MAP3K1: variants seen among roughly 807,000 people sequenced by gnomAD.
MAP3K1 encodes MAP/ERK kinase kinase 1.
In MAP3K1, 36 loss-of-function variants were observed where a neutral mutation model predicts 144.2. The observed-to-expected ratio is 0.25, with a 90% CI of 0.19 to 0.33. The LOEUF (loss-of-function observed/expected upper bound fraction) is 0.33, where lower values mean the gene tolerates loss of function less well. Among genes scored for constraint, MAP3K1 ranks in the 10% least tolerant of loss-of-function variants. The pLI is 1.00. For synonymous variants in MAP3K1, 718 were observed against 688.7 expected, an observed-to-expected ratio of 1.04 and a Z score of -0.67; for missense variants, 1,650 against 1,881.9, an observed-to-expected ratio of 0.88 and a Z score of 2.28.
At chr5:56,855,316 A>C (rs374694226) in intron 1 of MAP3K1, among the ~76,000 whole-genome samples, 1 of 152,164 alleles carries the variant, frequency 6.6e-6, no homozygotes, top group Non-Finnish European at 1.5e-5. Flanking sequence ...ACTTTTTGAA[A>C]GTCTCATATT....
chr5:56,873,477 TTCA>T (rs1454572971), intron 9 of MAP3K1, among the ~76,000 whole-genome samples: 4 of 152,110 alleles, frequency 2.6e-5, no homozygotes, highest in African/African-American at 7.2e-5. Flanking sequence ...TTACCTTGAG[TTCA>T]TCATTTTTAT....
chr5:56,824,272 G>A (rs896726894), intron 1 of MAP3K1, among the ~76,000 whole-genome samples: 2 of 152,226 alleles, frequency 1.3e-5, no homozygotes, highest in African/African-American at 4.8e-5. Flanking sequence ...ACTCTAAGCA[G>A]CCAAAGGACC....
intron 19 of MAP3K1, among the ~76,000 whole-genome samples, chr5:56,890,569 A>G (rs912845103): frequency 1.3e-5 from 2 of 152,148 alleles, no homozygotes; most frequent in South Asian, 2.1e-4. Flanking sequence ...AGCTATGCCC[A>G]TTGTTAGGAA....
In MAP3K1 at chr5:56,879,047, G is replaced by C. The variant is rs2111932466; in HGVS notation, c.2033G>C (p.Arg678Thr). Reference sequence around the variant, plus strand: ...TTAGCGGAAAGAATCAAACTTCAGAGACTTCTCCAGCCAGTTGTAGACACC... The same window carrying C: ...TTAGCGGAAAGAATCAAACTTCAGACACTTCTCCAGCCAGTTGTAGACACC... ...HSLAERIKLQRLLQPVVDTIL... is the reference protein window; with the variant it reads ...HSLAERIKLQTLLQPVVDTIL... Residue 678 changes from arginine to threonine, a missense_variant, in exon 11 of 20, where the codon AGA (arginine) becomes ACA (threonine). By Grantham distance (71) the Arg-to-Thr change is moderately conservative. Coordinates refer to ENST00000399503, the MANE Select transcript of MAP3K1 (RefSeq NM_005921.2). 1 of 1,613,924 alleles carries C rather than the reference G, an allele frequency of 6.2e-7. No individual in the cohort carries two copies. Among genetic ancestry groups the C allele is most frequent in the Non-Finnish European group, 8.5e-7 (1 of 1,179,862 alleles).
intron 19 of MAP3K1, among the ~76,000 whole-genome samples, chr5:56,890,865 G>A (rs558061609): frequency 7.2e-4 from 109 of 151,118 alleles, no homozygotes; most frequent in Non-Finnish European, 1.2e-3. Context: ...TGGGCATAGC[G>A]AGACCCCATC....
rs991144718 is a variant in MAP3K1, at chr5:56,869,836, T to C, written c.1302-2074T>C. ...ATACATCATTTCTGTAATGCTGCTG[T>C]TAATTCTTTGTTACTAATGCATGCA... On this transcript the variant is annotated intron_variant, in intron 6 of 19. Transcript: ENST00000399503. 7.2e-5 allele frequency among the ~76,000 whole-genome samples: 11 copies of C among 152,338 alleles called. No homozygotes were observed. The South Asian group carries it at 2.3e-3, about 32-fold the overall frequency.
At chr5:56,821,205 AG>A (rs1746144470) in intron 1 of MAP3K1, among the ~76,000 whole-genome samples, 1 of 152,114 alleles carries the variant, frequency 6.6e-6, no homozygotes, top group South Asian at 2.1e-4. Flanking sequence ...TATGGAAGGG[AG>A]TTCTGTATTG....
chr5:56,867,794 T>C (rs1013031527), intron 6 of MAP3K1, among the ~76,000 whole-genome samples: 1 of 152,218 alleles, frequency 6.6e-6, no homozygotes, highest in Non-Finnish European at 1.5e-5. Context: ...AAGCCTCACA[T>C]ATATCATATA....
At chr5:56,878,821 TA>T (rs1748115959) in intron 10 of MAP3K1, among the ~76,000 whole-genome samples, 158 bp from the exon 11 acceptor site, 1 of 152,222 alleles carries the variant, frequency 6.6e-6, no homozygotes, top group African/African-American at 2.4e-5. Flanking sequence ...TTTTGTTAGT[TA>T]GTTGTATTAT....
At chr5:56,859,971 A>G in intron 3 of MAP3K1, 56 bp downstream of exon 3, 2 of 1,411,448 alleles carry the variant, frequency 1.4e-6, no homozygotes, top group Non-Finnish European at 2.0e-6. Context: ...CTTCATTTAT[A>G]ACAAAGAAAA....
At chr5:56,892,097 G>A (rs1748566660) in intron 19 of MAP3K1, among the ~76,000 whole-genome samples, 2 of 152,112 alleles carry the variant, frequency 1.3e-5, no homozygotes, top group Non-Finnish European at 2.9e-5. Flanking sequence ...GATGGGGACG[G>A]CATTGAATCT....
Position 56,856,541 on chromosome 5 carries a change from T to C in MAP3K1, c.483-59T>C, listed in dbSNP as rs938487353. The C allele has an allele frequency of 1.3e-5, 19 of 1,445,692 alleles. No homozygotes were observed. The African/African-American group carries it at 1.8e-4, about 14-fold the overall frequency. The allele number at this position is 1,445,692 out of a possible 1,614,324, so 89.6% of individuals were successfully genotyped here. A position where few individuals can be genotyped will look rare whatever the true frequency, so the allele number is the denominator to read the frequency against. On this transcript the variant is annotated intron_variant, in intron 1 of 19. Transcript: ENST00000399503. ...ATAGAACCATCCATTCTGTTTGTTC[T>C]TGGAAATTATTTTTCATATATACAT...
intron 1 of MAP3K1, among the ~76,000 whole-genome samples, chr5:56,831,400 A>G (rs1746487859): frequency 6.6e-6 from 1 of 152,156 alleles, no homozygotes. Context: ...AAACCTAATC[A>G]GGCTTCTTTC....
chr5:56,820,356 C>CT, intron 1 of MAP3K1: 1 of 881,094 alleles, frequency 1.1e-6, no homozygotes, highest in South Asian at 5.2e-5. Context: ...CTTCCATTTT[C>CT]TTTTTTCAAA....
At chr5:56,831,590 A>G (rs1746496316) in intron 1 of MAP3K1, among the ~76,000 whole-genome samples, 1 of 152,198 alleles carries the variant, frequency 6.6e-6, no homozygotes, top group Admixed American at 6.5e-5. Flanking sequence ...CATTTATTAA[A>G]TGATATCCAG....
intron 18 of MAP3K1, chr5:56,887,812 A>C (rs916052587): frequency 4.5e-6 from 2 of 447,354 alleles, no homozygotes; most frequent in Admixed American, 7.2e-5. Flanking sequence ...GCACATAAGA[A>C]ATTTTTAAAA....
At chr5:56,840,395 G>A (rs529523230) in intron 1 of MAP3K1, among the ~76,000 whole-genome samples, 3 of 152,140 alleles carry the variant, frequency 2.0e-5, no homozygotes, top group Non-Finnish European at 4.4e-5. Flanking sequence ...TGTTCTACCC[G>A]CCTCGGCCTC....
chr5:56,849,217 G>A (rs1396061019), intron 1 of MAP3K1, among the ~76,000 whole-genome samples: 1 of 152,110 alleles, frequency 6.6e-6, no homozygotes, highest in Non-Finnish European at 1.5e-5. Context: ...AGGTATGGTG[G>A]CTTGTGCCTG....
intron 1 of MAP3K1, among the ~76,000 whole-genome samples, chr5:56,841,626 C>T (rs192675594): frequency 9.9e-5 from 15 of 152,250 alleles, no homozygotes; most frequent in Admixed American, 7.8e-4. Context: ...AATTTGTGGT[C>T]CTATTGAGCT....
Sources: gnomAD v4.1 joint callset for allele counts (sites outside exome capture counted in the v4.1 genomes callset) on GRCh38, gnomAD v4.1.1 for gene constraint, MANE v1.5 for transcripts, NCBI Gene and HGNC (gene_info 2026-07-23, HGNC 2026-07-21) for gene names.